CPZ: variants seen among roughly 807,000 people sequenced by gnomAD.
The protein encoded by CPZ is carboxypeptidase Z.
CPZ carries 103 observed loss-of-function variants against 61.8 expected under a neutral mutation model. The ratio of observed to expected loss-of-function variants is 1.67; its 90% CI spans 1.42 to 1.96. The LOEUF (loss-of-function observed/expected upper bound fraction) is 1.96. CPZ is among the 30% of genes most tolerant of loss of function. The pLI is 0.00. For synonymous variants in CPZ, 551 were observed against 373.7 expected, an observed-to-expected ratio of 1.47 and a Z score of -5.47; for missense variants, 1,461 against 914.9, an observed-to-expected ratio of 1.60 and a Z score of -7.70.
In CPZ at chr4:8,610,026, G is replaced by A. The variant is rs539292460; in HGVS notation, c.1228-2001G>A. On this transcript the variant is annotated intron_variant, in intron 7 of 10. Coordinates refer to ENST00000360986, the MANE Select transcript of CPZ (RefSeq NM_001014447.3). ...CTGCTCCACACGTGCCCCTTTGCCCGAATCCTGCTCATGCTGTGTCCTGCC... is the reference window on the plus strand; with the variant it reads ...CTGCTCCACACGTGCCCCTTTGCCCAAATCCTGCTCATGCTGTGTCCTGCC... Among the ~76,000 whole-genome samples, 6 of 152,194 alleles carry A rather than the reference G, an allele frequency of 3.9e-5. No individual in the cohort carries two copies. The South Asian group carries it at 6.2e-4, about 16-fold the overall frequency.
At chr4:8,598,395 A>G (rs1014448859) in intron 1 of CPZ, among the ~76,000 whole-genome samples, 2 of 152,178 alleles carry the variant, frequency 1.3e-5, no homozygotes, top group African/African-American at 2.4e-5. Flanking sequence ...TGAGCTCCGA[A>G]AAGCGGCCTG....
At chr4:8,618,986 G>A (rs1004578101) in intron 10 of CPZ, among the ~76,000 whole-genome samples, 1 of 151,978 alleles carries the variant, frequency 6.6e-6, no homozygotes, top group East Asian at 1.9e-4. Flanking sequence ...GTCCAGAGAA[G>A]AGGGGGACTT....
In CPZ at chr4:8,601,434, G is replaced by C. The variant is rs373912014; in HGVS notation, c.433G>C (p.Asp145His). 59 of 1,556,694 alleles carry C rather than the reference G, an allele frequency of 3.8e-5. No homozygotes were observed. Among genetic ancestry groups the C allele is most frequent in the Non-Finnish European group, 4.8e-5 (55 of 1,150,270 alleles). Residue 145 changes from aspartate to histidine, a missense_variant, in exon 3 of 11, where the codon GAC becomes CAC. Asp to His is a moderately conservative substitution (Grantham distance 81). Coordinates refer to ENST00000360986, the MANE Select transcript of CPZ (RefSeq NM_001014447.3). ...AIDMAWPYFL[D>H]CHRYFTREDE... ...TGACATGGCCTGGCCCTACTTCCTT[G>C]ACTGCCACCGCTACTTCACGAGAGA...
intron 7 of CPZ, among the ~76,000 whole-genome samples, chr4:8,611,654 C>T (rs1268567245): frequency 1.3e-5 from 2 of 152,162 alleles, no homozygotes; most frequent in Admixed American, 6.5e-5. Context: ...TTCACTGCTC[C>T]AACAGCCTGG....
chr4:8,607,475 C>T (rs1192702795), intron 7 of CPZ, 50 bp downstream of exon 7: 18 of 1,585,698 alleles, frequency 1.1e-5, no homozygotes, highest in South Asian at 5.8e-5. Context: ...TGTGCGCGGT[C>T]CCCTTGGAGC....
Position 8,612,096 on chromosome 4 carries a change from TG to T in CPZ, c.1298del (p.Cys433LeufsTer6). 4.3e-6 allele frequency: 7 copies of T among 1,611,608 alleles called. No individual in the cohort carries two copies. The highest frequency in any genetic ancestry group is 5.9e-6 in the Non-Finnish European group (7 of 1,179,344). ...PMMMDRSENRCGGNFLKRGSI... is the reference protein window; with the variant it reads ...PMMMDRSENRXGGNFLKRGSI... ...GATGATGGACAGGTCGGAGAATAGG[TG>T]TGGAGGCAATTTCCTGAAGAGGGGG... On this transcript the variant is annotated frameshift_variant, in exon 8 of 11. Coordinates refer to ENST00000360986, the MANE Select transcript of CPZ (RefSeq NM_001014447.3). LOFTEE classifies it high-confidence loss of function.
chr4:8,597,514 C>T (rs866003437), intron 1 of CPZ: 5 of 152,236 alleles, frequency 3.3e-5, no homozygotes, highest in Non-Finnish European at 7.3e-5. Flanking sequence ...CCCACAGGCC[C>T]GTGACAGTCA....
chr4:8,600,091 G>C (rs1714460267), intron 2 of CPZ: 1 of 151,734 alleles, frequency 6.6e-6, no homozygotes, highest in Non-Finnish European at 1.5e-5. Context: ...AAAATTCTGG[G>C]TACCAAGTCA....
rs746063733 is a variant in CPZ, at chr4:8,612,154, T to C, written c.1355T>C (p.Phe452Ser). 1.5e-6 allele frequency: 2 copies of C among 1,349,390 alleles called. No individual in the cohort carries two copies. The highest frequency in any genetic ancestry group is 6.9e-5 in the East Asian group (2 of 28,880). 83.6% of individuals were successfully genotyped at this position (1,349,390 alleles called of 1,614,324 possible). Residue 452 changes from phenylalanine (F) to serine (S), a missense_variant, in exon 8 of 11, where the codon TTC becomes TCC. Coordinates refer to ENST00000360986, the MANE Select transcript of CPZ (RefSeq NM_001014447.3). ...SIINGADWYS[F>S]TGGMSDFNYL... Reference sequence around the variant, plus strand: ...ATCAACGGGGCGGACTGGTACAGCTTCACGGGAGGTGCGGCTTCCGCAGGG... The same window carrying C: ...ATCAACGGGGCGGACTGGTACAGCTCCACGGGAGGTGCGGCTTCCGCAGGG...
intron 7 of CPZ, among the ~76,000 whole-genome samples, chr4:8,607,796 G>T (rs1000572047): frequency 6.6e-6 from 1 of 152,102 alleles, no homozygotes; most frequent in African/African-American, 2.4e-5. Context: ...GGGAGGCGCC[G>T]GCAGAGGGCA....
chr4:8,613,476 GGGACCAGAGCTAGCT>G (rs1460730709), intron 8 of CPZ, among the ~76,000 whole-genome samples: 14 of 152,296 alleles, frequency 9.2e-5, no homozygotes, highest in Admixed American at 2.6e-4. Context: ...CATGAAGCCG[GGGACCAGAGCTAGCT>G]GGACCAGAGA....
chr4:8,614,053 C>T (rs766380190), intron 8 of CPZ, among the ~76,000 whole-genome samples: 1 of 152,266 alleles, frequency 6.6e-6, no homozygotes, highest in Non-Finnish European at 1.5e-5. Flanking sequence ...CAAGATGCAG[C>T]TCTGCCTCTT....
chr4:8,618,708 G>C lies in CPZ; in HGVS notation c.1603+180G>C, dbSNP rs563792664. ...GAACCAGGGTCTGCGTCTCCTTACA[G>C]CATTTGGTGAGGGAAGAGCTTGCCC... is the stretch of plus-strand genomic sequence containing the variant. On this transcript the variant is annotated intron_variant, in intron 10 of 10. Coordinates refer to ENST00000360986, the MANE Select transcript of CPZ (RefSeq NM_001014447.3). Among the ~76,000 whole-genome samples, 24 of 152,312 alleles carry C rather than the reference G, an allele frequency of 1.6e-4. No homozygotes were observed. The South Asian group carries it at 2.5e-3, about 16-fold the overall frequency.
At chr4:8,606,211 G>A (rs1415543800) in intron 5 of CPZ, 26 bp downstream of exon 5, 1 of 1,599,106 alleles carries the variant, frequency 6.3e-7, no homozygotes, top group East Asian at 2.3e-5. Flanking sequence ...CCTGGATCCT[G>A]TGGGCCACCG....
chr4:8,614,306 G>T, intron 8 of CPZ, 53 bp from the exon 9 acceptor site: 2 of 1,578,134 alleles, frequency 1.3e-6, no homozygotes, highest in Non-Finnish European at 1.7e-6. Context: ...TGACGTCCCG[G>T]CTGTCTCTGT....
intron 3 of CPZ, chr4:8,602,606 C>T (rs1470774538): frequency 1.3e-5 from 2 of 152,290 alleles, no homozygotes; most frequent in Non-Finnish European, 2.9e-5. Context: ...GAAGTGGAGC[C>T]TCGGGAAGGG....
At chr4:8,618,365 G>C in intron 9 of CPZ, 64 bp from the exon 10 acceptor site, 1 of 1,514,746 alleles carries the variant, frequency 6.6e-7, no homozygotes, top group Non-Finnish European at 9.2e-7. Flanking sequence ...GGAACGAGCT[G>C]ACGGCCTCCA....
At chr4:8,598,556 C>T (rs1024925779) in intron 1 of CPZ, among the ~76,000 whole-genome samples, 7 of 152,238 alleles carry the variant, frequency 4.6e-5, no homozygotes, top group Non-Finnish European at 5.9e-5. Flanking sequence ...TGGGTCACGT[C>T]CCCTTCTCCG....
rs1715995996 is a variant in CPZ, at chr4:8,614,508, G to A, written c.1503+10G>A. ...GAATTTCGTGGAGACGGTGAGTTCTGACGGTCTCAGGGCTCTGGTCCAGCT... is the reference window on the plus strand; with the variant it reads ...GAATTTCGTGGAGACGGTGAGTTCTAACGGTCTCAGGGCTCTGGTCCAGCT... On this transcript the variant is annotated intron_variant, in intron 9 of 10. Coordinates refer to ENST00000360986, the MANE Select transcript of CPZ (RefSeq NM_001014447.3). 1 of 1,612,238 alleles carries A rather than the reference G, an allele frequency of 6.2e-7. No homozygotes were observed. The highest frequency in any genetic ancestry group is 8.5e-7 in the Non-Finnish European group (1 of 1,178,970).
Sources: gnomAD v4.1 joint callset for allele counts (sites outside exome capture counted in the v4.1 genomes callset) on GRCh38, gnomAD v4.1.1 for gene constraint, MANE v1.5 for transcripts, NCBI Gene and HGNC (gene_info 2026-07-23, HGNC 2026-07-21) for gene names.